DNAH8: variants seen among roughly 807,000 people sequenced by gnomAD.
DNAH8 encodes the protein dynein axonemal heavy chain 8, also known as axonemal beta dynein heavy chain 8.
A neutral mutation model predicts 562.1 loss-of-function variants in DNAH8; 382 were observed. The observed-to-expected ratio is 0.68, with a 90% CI of 0.63 to 0.74. The LOEUF (loss-of-function observed/expected upper bound fraction) is 0.74, where lower values mean the gene tolerates loss of function less well. Ranked by LOEUF, DNAH8 falls within the 30% of genes least tolerant of loss-of-function variation. The probability of loss-of-function intolerance (pLI) is 0.00; values close to 1 mark genes in which losing one functional copy is unlikely to be tolerated. For missense variants in DNAH8, 5,203 were observed against 5,620.4 expected (o/e 0.93, Z 2.37); for synonymous variants, 1,881 against 1,919.4 (o/e 0.98, Z 0.52).
intron 41 of DNAH8, among the ~76,000 whole-genome samples, chr6:38,857,220 G>A (rs942904138): frequency 7.2e-5 from 11 of 152,122 alleles, no homozygotes; most frequent in South Asian, 4.1e-4. Context: ...AAGAAAAATC[G>A]TTGCATGGAA....
At chr6:38,849,359 C>G (rs903964425) in intron 37 of DNAH8, among the ~76,000 whole-genome samples, 1 of 152,078 alleles carries the variant, frequency 6.6e-6, no homozygotes, top group African/African-American at 2.4e-5. Flanking sequence ...TGCTGTGGAG[C>G]AAGAAAACAG....
chr6:38,911,426 C>G (rs764993180), intron 65 of DNAH8, 42 bp from the exon 66 acceptor site: 5 of 1,390,594 alleles, frequency 3.6e-6, no homozygotes, highest in Non-Finnish European at 5.1e-6. Context: ...TATGGGAGTA[C>G]GCACAATGAT....
intron 55 of DNAH8, among the ~76,000 whole-genome samples, 168 bp from the exon 56 acceptor site, chr6:38,883,708 A>T (rs938881567): frequency 6.6e-6 from 1 of 152,002 alleles, no homozygotes; most frequent in African/African-American, 2.4e-5. Context: ...GAAGGATAAA[A>T]CTCCAATGCC....
At chr6:38,750,326 A>G in intron 8 of DNAH8, 150 bp from the exon 9 acceptor site, 1 of 461,010 alleles carries the variant, frequency 2.2e-6, no homozygotes, top group Non-Finnish European at 3.8e-6. Flanking sequence ...ACTTTGTCTC[A>G]AGTATTATAA....
chr6:38,913,758 C>A, intron 66 of DNAH8, 91 bp from the exon 67 acceptor site: 1 of 823,548 alleles, frequency 1.2e-6, no homozygotes, highest in Non-Finnish European at 1.9e-6. Context: ...ATTACATGTA[C>A]AGTGCCTAAT....
At chr6:38,833,401 G>A (rs1368766087) in intron 31 of DNAH8, among the ~76,000 whole-genome samples, 1 of 151,540 alleles carries the variant, frequency 6.6e-6, no homozygotes, top group Non-Finnish European at 1.5e-5. Flanking sequence ...AAACATATCT[G>A]TTGATTTGCC....
chr6:38,866,988 A>G (rs902510071), intron 47 of DNAH8, 112 bp downstream of exon 47: 1 of 613,116 alleles, frequency 1.6e-6, no homozygotes, highest in Non-Finnish European at 2.8e-6. Flanking sequence ...ACTCTTTTCT[A>G]AAATGCTTTT....
chr6:38,952,611 G>A (rs1425738418), intron 82 of DNAH8, among the ~76,000 whole-genome samples: 1 of 152,114 alleles, frequency 6.6e-6, no homozygotes, highest in African/African-American at 2.4e-5. Flanking sequence ...AATCAATTCA[G>A]TCATGTCCAC....
At chr6:38,881,537 T>G (rs1428329877) in intron 53 of DNAH8, among the ~76,000 whole-genome samples, 1 of 149,594 alleles carries the variant, frequency 6.7e-6, no homozygotes, top group Non-Finnish European at 1.5e-5. Context: ...TAAATAAATT[T>G]TTGAAATCAA....
At position 38,924,090 on chromosome 6, in the gene DNAH8, GGAGTT is replaced by G. The variant is rs1002467953; in HGVS notation, c.10894_10898del (p.Leu3632SerfsTer24). 6.2e-7 allele frequency: 1 copy of G among 1,613,908 alleles called. No homozygotes were observed. Among genetic ancestry groups the G allele is most frequent in the Non-Finnish European group, 8.5e-7 (1 of 1,179,932 alleles). On this transcript the variant is annotated frameshift_variant, in exon 73 of 93. Transcript: ENST00000327475. LOFTEE classifies it high-confidence loss of function. ...ATTTGCTTAAAGATCAATGGGAAAT[GGAGTT>G]GAGAGCACGGAAAATTCCTTTCACA... is the stretch of plus-strand genomic sequence containing the variant.
intron 58 of DNAH8, 52 bp from the exon 59 acceptor site, chr6:38,894,649 T>C (rs1779554488): frequency 7.0e-7 from 1 of 1,424,452 alleles, no homozygotes; most frequent in South Asian, 1.2e-5. Context: ...GTAATTCTAC[T>C]TTTAGTTGTA....
intron 82 of DNAH8, among the ~76,000 whole-genome samples, chr6:38,965,247 C>T (rs2150675419): frequency 6.6e-6 from 1 of 152,058 alleles, no homozygotes; most frequent in East Asian, 1.9e-4. Context: ...ATATAATACA[C>T]TGCAGCTAAG....
chr6:38,912,503 A>G (rs768833417), intron 66 of DNAH8, among the ~76,000 whole-genome samples: 2 of 152,164 alleles, frequency 1.3e-5, no homozygotes, highest in Non-Finnish European at 2.9e-5. Flanking sequence ...GTCACATAGC[A>G]TAACAGCGCC....
chr6:38,787,793 A>G (rs942826350), intron 18 of DNAH8, among the ~76,000 whole-genome samples: 4 of 152,022 alleles, frequency 2.6e-5, no homozygotes, highest in Non-Finnish European at 2.9e-5. Context: ...ATCCTAACAC[A>G]TTGTTTCTAA....
At chr6:38,997,157 G>T (rs904623280) in intron 88 of DNAH8, among the ~76,000 whole-genome samples, 5 of 152,120 alleles carry the variant, frequency 3.3e-5, no homozygotes, top group Admixed American at 3.3e-4. Context: ...GCTCTGTTCT[G>T]CAGCTCTGTG....
rs188848835 is a variant in DNAH8, at chr6:38,996,147, G to A, written c.13214+5975G>A. Among the ~76,000 whole-genome samples, 11 of 152,086 alleles carry A rather than the reference G, an allele frequency of 7.2e-5. No homozygotes were observed. The East Asian group carries it at 1.7e-3, about 24-fold the overall frequency. Reference sequence around the variant, plus strand: ...GTTGCAAAATGCAAAAGGCTGCAAAGCATGACTTTAATAGCATCACCCTTC... The same window carrying A: ...GTTGCAAAATGCAAAAGGCTGCAAAACATGACTTTAATAGCATCACCCTTC... On this transcript the variant is annotated intron_variant, in intron 88 of 92. Coordinates refer to ENST00000327475, the MANE Select transcript of DNAH8 (RefSeq NM_001206927.2).
chr6:38,979,770 T>C lies in DNAH8; in HGVS notation c.12835-2576T>C, dbSNP rs1333368912. The stretch of plus-strand genomic sequence containing the variant: ...GTGCATATAAATAGGAGTGTTTCCA[T>C]AGAGTCAATTTGAGCAGCTTTAGTA... On this transcript the variant is annotated intron_variant, in intron 85 of 92. Coordinates refer to ENST00000327475, the MANE Select transcript of DNAH8 (RefSeq NM_001206927.2). 1.1e-4 allele frequency among the ~76,000 whole-genome samples: 17 copies of C among 152,200 alleles called. 1 individual carries two copies. The highest frequency in any genetic ancestry group is 1.5e-5 in the Non-Finnish European group (1 of 68,020).
At chr6:38,852,968 A>G (rs1302421828) in intron 40 of DNAH8, among the ~76,000 whole-genome samples, 170 bp downstream of exon 40, 1 of 152,160 alleles carries the variant, frequency 6.6e-6, no homozygotes, top group Non-Finnish European at 1.5e-5. Flanking sequence ...TCTGAGACTC[A>G]TTTTGTAATT....
At chr6:38,772,927 T>G (rs953776250) in intron 12 of DNAH8, among the ~76,000 whole-genome samples, 62 of 150,022 alleles carry the variant, frequency 4.1e-4, no homozygotes, top group Admixed American at 1.6e-3. Flanking sequence ...GCCTTCTGAG[T>G]AGCTGGGACT....
Sources: allele counts gnomAD v4.1 joint callset (sites outside exome capture counted in the v4.1 genomes callset), GRCh38; gene constraint gnomAD v4.1.1; transcripts MANE v1.5; gene names NCBI Gene and HGNC (gene_info 2026-07-23, HGNC 2026-07-21).